Variants in STX6 observed in about 807,000 individuals in gnomAD.
The protein encoded by STX6 is syntaxin-6.
Under a neutral mutation model 38.0 loss-of-function variants are expected in STX6, and 23 were observed. The observed-to-expected ratio is 0.60, with a 90% CI of 0.43 to 0.86. STX6 has a LOEUF of 0.86. Among genes scored for constraint, STX6 ranks in the 40% least tolerant of loss-of-function variants. The pLI, the probability that STX6 is intolerant of heterozygous loss-of-function variation, is 0.00. For synonymous variants in STX6, 123 were observed against 107.5 expected (o/e 1.14, Z -0.89); for missense variants, 274 against 312.9 (o/e 0.88, Z 0.94).
intron 2 of STX6, among the ~76,000 whole-genome samples, chr1:181,003,287 T>C (rs1370059723): frequency 6.6e-6 from 1 of 152,174 alleles, no homozygotes; most frequent in Non-Finnish European, 1.5e-5. Context: ...CCCCCATCCC[T>C]ATCCACTCAA....
At chr1:181,006,162 A>G (rs1259608256) in intron 1 of STX6, among the ~76,000 whole-genome samples, 1 of 152,134 alleles carries the variant, frequency 6.6e-6, no homozygotes, top group Non-Finnish European at 1.5e-5. Flanking sequence ...TCCCGGGTTC[A>G]AGTGACTCTT....
intron 1 of STX6, among the ~76,000 whole-genome samples, chr1:181,011,314 A>AT (rs1437402315): frequency 6.6e-6 from 1 of 152,210 alleles, no homozygotes; most frequent in African/African-American, 2.4e-5. Flanking sequence ...AGGGAATCCC[A>AT]TCTCAATAGC....
intron 7 of STX6, among the ~76,000 whole-genome samples, chr1:180,983,314 T>A (rs1655467156): frequency 6.6e-6 from 1 of 152,126 alleles, no homozygotes; most frequent in South Asian, 2.1e-4. Flanking sequence ...GAAGAAAAGG[T>A]GTCAAGAAAC....
chr1:180,976,705 G>T, intron 7 of STX6, 59 bp from the exon 8 acceptor site: 2 of 1,520,980 alleles, frequency 1.3e-6, no homozygotes, highest in Non-Finnish European at 1.8e-6. Flanking sequence ...CCAAGATACA[G>T]TTATATGGAA....
chr1:181,021,807 G>C (rs575362464), intron 1 of STX6, among the ~76,000 whole-genome samples: 3 of 152,214 alleles, frequency 2.0e-5, no homozygotes, highest in African/African-American at 7.2e-5. Flanking sequence ...TAAGGGAACA[G>C]AAGGCAGTCC....
chr1:180,978,250 T>C (rs1655308037), intron 7 of STX6, among the ~76,000 whole-genome samples: 1 of 152,194 alleles, frequency 6.6e-6, no homozygotes, highest in South Asian at 2.1e-4. Context: ...CTTAGATCCA[T>C]CAGAGAAGTG....
intron 3 of STX6, among the ~76,000 whole-genome samples, chr1:180,995,324 C>T (rs1250158689): frequency 4.6e-5 from 7 of 152,056 alleles, no homozygotes; most frequent in South Asian, 2.1e-4. Flanking sequence ...AGACTCTTGA[C>T]GGCACATTTT....
rs937780010 is a variant in STX6 at position 180,973,980 on chromosome 1, T to A, written c.*2590A>T. 1 of 152,218 alleles carries A rather than the reference T, an allele frequency of 6.6e-6. No individual in the cohort carries two copies. The highest frequency in any genetic ancestry group is 2.4e-5 in the African/African-American group (1 of 41,450). The allele number at this position is 152,218 out of a possible 1,614,324, so 9.4% of individuals were successfully genotyped here. A position where few individuals can be genotyped will look rare whatever the true frequency, so the allele number is the denominator to read the frequency against. ...CCCAAATACTATAAAGATGCACTTA[T>A]AAGCAGTGTGGGGTTATCACCACTG... On this transcript the variant is annotated 3_prime_UTR_variant, in exon 8 of 8. Transcript: ENST00000258301.
Position 181,022,741 on chromosome 1 carries a change from C to T in STX6, c.-68G>A. On this transcript the variant is annotated 5_prime_UTR_variant, in exon 1 of 8. Transcript: ENST00000258301. ...GCGCCCGTGCCTCCCGGTCTCCCTC[C>T]GCCCACCCCGCCTGTTCCCGCAGCT... is the stretch of plus-strand genomic sequence containing the variant. 1 of 1,478,122 alleles carries T rather than the reference C, an allele frequency of 6.8e-7. No homozygotes were observed. The highest frequency in any genetic ancestry group is 9.2e-7 in the Non-Finnish European group (1 of 1,084,654). The allele number at this position is 1,478,122 out of a possible 1,614,324, so 91.6% of individuals were successfully genotyped here. A position where few individuals can be genotyped will look rare whatever the true frequency, so the allele number is the denominator to read the frequency against.
intron 7 of STX6, among the ~76,000 whole-genome samples, chr1:180,977,705 A>G (rs1210455385): frequency 4.6e-5 from 7 of 152,242 alleles, no homozygotes; most frequent in Non-Finnish European, 4.4e-5. Context: ...TTGATTCACT[A>G]AAGTTTCTTT....
chr1:181,014,595 T>C (rs1158661290), intron 1 of STX6, among the ~76,000 whole-genome samples: 1 of 152,108 alleles, frequency 6.6e-6, no homozygotes, highest in Non-Finnish European at 1.5e-5. Flanking sequence ...ATTCTAGTAA[T>C]GAAACATGAA....
At chr1:180,980,280 C>T (rs762640343) in intron 7 of STX6, among the ~76,000 whole-genome samples, 10 of 149,860 alleles carry the variant, frequency 6.7e-5, no homozygotes, top group Non-Finnish European at 1.5e-4. Context: ...TTAGATGTCA[C>T]TGGGGAAAGG....
chr1:180,998,677 C>T (rs187133798), intron 3 of STX6, among the ~76,000 whole-genome samples: 47 of 152,284 alleles, frequency 3.1e-4, no homozygotes, highest in African/African-American at 1.1e-3. Context: ...CACCACACCC[C>T]GCCAGCTTTC....
intron 7 of STX6, among the ~76,000 whole-genome samples, chr1:180,980,121 C>T (rs866902808): frequency 2.0e-5 from 3 of 147,726 alleles, no homozygotes; most frequent in African/African-American, 5.0e-5. Flanking sequence ...GCACAAGAAC[C>T]ACTTGAGCCT....
intron 3 of STX6, among the ~76,000 whole-genome samples, chr1:180,995,811 T>C (rs1391736233): frequency 6.6e-6 from 1 of 152,214 alleles, no homozygotes; most frequent in Admixed American, 6.5e-5. Flanking sequence ...CATGTTAGCC[T>C]TTGAACATTA....
intron 7 of STX6, among the ~76,000 whole-genome samples, chr1:180,984,421 C>T (rs1308643839): frequency 6.6e-6 from 1 of 152,080 alleles, no homozygotes; most frequent in Non-Finnish European, 1.5e-5. Context: ...TGGCACGCAC[C>T]TGTAATCCCA....
intron 1 of STX6, among the ~76,000 whole-genome samples, chr1:181,005,944 T>G (rs916227140): frequency 2.0e-5 from 3 of 152,180 alleles, no homozygotes; most frequent in African/African-American, 7.2e-5. Context: ...TTATTATAGG[T>G]TAAGTATTTT....
At chr1:181,013,841 T>C (rs1656478864) in intron 1 of STX6, among the ~76,000 whole-genome samples, 1 of 152,198 alleles carries the variant, frequency 6.6e-6, no homozygotes, top group Non-Finnish European at 1.5e-5. Context: ...CTCTCCACAG[T>C]CTGCACACAT....
In STX6 at chr1:180,974,709, C is replaced by T. The variant is rs1655202511; in HGVS notation, c.*1861G>A. On this transcript the variant is annotated 3_prime_UTR_variant, in exon 8 of 8. Coordinates refer to ENST00000258301, the MANE Select transcript of STX6 (RefSeq NM_005819.6). ...TTTTAATGCAAATCTAAGGATCATC[C>T]CCTTTCTTAGTTTATAGAAGATTCA... The T allele has an allele frequency of 6.6e-6, 1 of 152,562 alleles. No homozygotes were observed. The highest frequency in any genetic ancestry group is 2.1e-4 in the South Asian group (1 of 4,824). The allele number at this position is 152,562 out of a possible 1,614,324, so 9.5% of individuals were successfully genotyped here.
Sources: gnomAD v4.1 joint callset for allele counts (sites outside exome capture counted in the v4.1 genomes callset) on GRCh38, gnomAD v4.1.1 for gene constraint, MANE v1.5 for transcripts, NCBI Gene and HGNC (gene_info 2026-07-23, HGNC 2026-07-21) for gene names.